CDH13: variants seen among roughly 807,000 people sequenced by gnomAD.
CDH13 encodes cadherin 13.
CDH13 carries 24 observed loss-of-function variants against 63.8 expected under a neutral mutation model. The observed-to-expected ratio is 0.38, with a 90% confidence interval of 0.27 to 0.53. The LOEUF is 0.53. Ranked by LOEUF, CDH13 falls within the 20% of genes least tolerant of loss-of-function variation. The pLI, the probability that CDH13 is intolerant of heterozygous loss-of-function variation, is 0.85. For missense variants in CDH13, 1,049 were observed against 903.1 expected (o/e 1.16, Z -2.07); for synonymous variants, 503 against 355.3 (o/e 1.42, Z -4.67).
chr16:83,294,508 C>T (rs1203178419), intron 5 of CDH13, among the ~76,000 whole-genome samples: 1 of 151,990 alleles, frequency 6.6e-6, no homozygotes, highest in East Asian at 1.9e-4. Flanking sequence ...CCTTGCTGTG[C>T]TTGAGTTACT....
At chr16:83,675,325 T>C (rs1269308731) in intron 9 of CDH13, among the ~76,000 whole-genome samples, 1 of 152,166 alleles carries the variant, frequency 6.6e-6, no homozygotes, top group Non-Finnish European at 1.5e-5. Context: ...GATCCCACCT[T>C]AGGCAAATGG....
rs527428306 is a variant in CDH13 at position 83,211,911 on chromosome 16, GA to G, written c.484-5425del. On this transcript the variant is annotated intron_variant, in intron 4 of 13. Transcript: ENST00000567109. ...TTTTCCATTCCAACTCAGAGGACAA[GA>G]AAAAAAAACATCCCACTGTGAAAAG... 4.7e-5 allele frequency among the ~76,000 whole-genome samples: 7 copies of G among 150,350 alleles called. No individual in the cohort carries two copies. In the South Asian group the frequency reaches 6.3e-4, roughly 14 times the overall value.
chr16:83,765,747 A>C (rs1328670401), intron 11 of CDH13, among the ~76,000 whole-genome samples: 1 of 152,108 alleles, frequency 6.6e-6, no homozygotes, highest in African/African-American at 2.4e-5. Flanking sequence ...AACAAAGGAT[A>C]ACCTTAGAAG....
chr16:83,244,340 A>G (rs147025431), intron 5 of CDH13, among the ~76,000 whole-genome samples: 37 of 152,210 alleles, frequency 2.4e-4, no homozygotes, highest in Non-Finnish European at 4.6e-4. Context: ...GTGAAGCAGT[A>G]TACATAGCAC....
Position 82,816,875 on chromosome 16 carries a change from G to C in CDH13, c.46-41487G>C, listed in dbSNP as rs370380403. Among the ~76,000 whole-genome samples the C allele has an allele frequency of 6.6e-5, 10 of 152,040 alleles. No homozygotes were observed. In the East Asian group the frequency reaches 1.9e-3, roughly 30 times the overall value. ...CTCCTGAAGCTCCAACTCAGCACAG[G>C]ATACAACGAAAGGATAATGTGATGC... On this transcript the variant is annotated intron_variant, in intron 1 of 13. Transcript: ENST00000567109.
intron 6 of CDH13, among the ~76,000 whole-genome samples, chr16:83,458,673 C>T (rs1241764654): frequency 6.6e-6 from 1 of 152,152 alleles, no homozygotes; most frequent in Non-Finnish European, 1.5e-5. Context: ...TGTTGTTTTG[C>T]AAACCCAGGC....
intron 9 of CDH13, among the ~76,000 whole-genome samples, chr16:83,674,080 G>C (rs1330769765): frequency 1.3e-5 from 2 of 152,192 alleles, no homozygotes; most frequent in Non-Finnish European, 2.9e-5. Context: ...AAGCCAGCTA[G>C]GCCATGCTCT....
chr16:83,763,408 A>G (rs35809098), intron 11 of CDH13, among the ~76,000 whole-genome samples: 1 of 136,286 alleles, frequency 7.3e-6, no homozygotes, highest in East Asian at 2.3e-4. Flanking sequence ...GCTTAGATTG[A>G]TTTTTTTTAA....
rs1183704002 is a variant in CDH13 at position 82,824,916 on chromosome 16, GCTTCTGTTAAAA to G, written c.46-33445_46-33434del. On this transcript the variant is annotated intron_variant, in intron 1 of 13. Coordinates refer to ENST00000567109, the MANE Select transcript of CDH13 (RefSeq NM_001257.5). Reference sequence around the variant, plus strand: ...TTGTTCAGTTATGATAATGCATGCTGCTTCTGTTAAAAAAATACTTTTAATCTTTTACAGATA... The same window carrying G: ...TTGTTCAGTTATGATAATGCATGCTGAAATACTTTTAATCTTTTACAGATA... 2.1e-4 allele frequency: 32 copies of G among 152,276 alleles called. 2 individuals are homozygous for G. Among genetic ancestry groups the G allele is most frequent in the African/African-American group, 7.2e-4 (30 of 41,554 alleles). 9.4% of individuals were successfully genotyped at this position (152,276 alleles called of 1,614,324 possible). A position where few individuals can be genotyped will look rare whatever the true frequency, so the allele number is the denominator to read the frequency against.
At chr16:82,701,795 T>A (rs890814258) in intron 1 of CDH13, among the ~76,000 whole-genome samples, 1 of 152,122 alleles carries the variant, frequency 6.6e-6, no homozygotes, top group African/African-American at 2.4e-5. Flanking sequence ...CACGTGCCCA[T>A]CCTTCAACCA....
intron 10 of CDH13, among the ~76,000 whole-genome samples, chr16:83,709,820 A>C (rs1224487560): frequency 6.6e-6 from 1 of 152,234 alleles, no homozygotes; most frequent in Non-Finnish European, 1.5e-5. Context: ...AGACATATGG[A>C]AAATCTATTT....
At chr16:83,036,687 C>T (rs1346735352) in intron 3 of CDH13, among the ~76,000 whole-genome samples, 2 of 152,140 alleles carry the variant, frequency 1.3e-5, no homozygotes, top group African/African-American at 2.4e-5. Flanking sequence ...ATCTGGCTCC[C>T]ACTCTGCATC....
At chr16:83,329,054 G>T (rs1013308775) in intron 5 of CDH13, among the ~76,000 whole-genome samples, 2 of 152,114 alleles carry the variant, frequency 1.3e-5, no homozygotes, top group Non-Finnish European at 2.9e-5. Context: ...ATAAAATGAG[G>T]CATCTTGAGC....
intron 5 of CDH13, among the ~76,000 whole-genome samples, chr16:83,231,507 C>T (rs12917991): frequency 6.6e-6 from 1 of 152,114 alleles, no homozygotes; most frequent in Non-Finnish European, 1.5e-5. Flanking sequence ...TTGATGTGTT[C>T]CAGCAGGAGC....
chr16:83,485,658 C>T (rs2073869743), intron 6 of CDH13, among the ~76,000 whole-genome samples: 1 of 152,124 alleles, frequency 6.6e-6, no homozygotes, highest in Non-Finnish European at 1.5e-5. Flanking sequence ...GTGCAAACCC[C>T]AGACTAGATA....
chr16:82,634,464 C>T (rs1014392438), intron 1 of CDH13, among the ~76,000 whole-genome samples: 4 of 152,192 alleles, frequency 2.6e-5, no homozygotes. Context: ...CCCGGAGTAT[C>T]CCTCCTCAAC....
intron 2 of CDH13, among the ~76,000 whole-genome samples, chr16:83,004,691 C>G (rs555779492): frequency 4.6e-5 from 7 of 152,210 alleles, no homozygotes; most frequent in African/African-American, 1.7e-4. Flanking sequence ...TAGAGTTTGT[C>G]TGTGTTAGTC....
chr16:82,849,864 A>G (rs761174874), intron 1 of CDH13, among the ~76,000 whole-genome samples: 4 of 152,244 alleles, frequency 2.6e-5, no homozygotes, highest in African/African-American at 9.6e-5. Context: ...ATGACAGTAC[A>G]TCTGTTTACA....
intron 1 of CDH13, among the ~76,000 whole-genome samples, chr16:82,694,147 C>T (rs993353939): frequency 6.6e-6 from 1 of 152,190 alleles, no homozygotes; most frequent in Non-Finnish European, 1.5e-5. Context: ...TATTCACTTG[C>T]ATATAGAGCT....
Sources: gnomAD v4.1 joint callset for allele counts (sites outside exome capture counted in the v4.1 genomes callset) on GRCh38, gnomAD v4.1.1 for gene constraint, MANE v1.5 for transcripts, NCBI Gene and HGNC (gene_info 2026-07-23, HGNC 2026-07-21) for gene names.